The following PIK3R5 variants were observed in gnomAD, a reference collection of about 807,000 sequenced individuals.
PIK3R5 encodes the protein phosphoinositide 3-kinase regulatory subunit 5.
Under a neutral mutation model 94.9 loss-of-function variants are expected in PIK3R5, and 32 were observed. The observed-to-expected ratio is 0.34, with a 90% CI of 0.25 to 0.45. The LOEUF (loss-of-function observed/expected upper bound fraction) is 0.45. Ranked by LOEUF, PIK3R5 falls within the 20% of genes least tolerant of loss-of-function variation. The pLI, the probability that PIK3R5 is intolerant of heterozygous loss-of-function variation, is 1.00. For synonymous variants in PIK3R5, 443 were observed against 479.4 expected (o/e 0.92, Z 0.99); for missense variants, 853 against 1,144.6 (o/e 0.75, Z 3.68).
intron 1 of PIK3R5, among the ~76,000 whole-genome samples, chr17:8,912,194 A>G (rs2090541309): frequency 6.6e-6 from 1 of 152,022 alleles, no homozygotes; most frequent in Admixed American, 6.5e-5. Flanking sequence ...CTGAAGAGGG[A>G]ATTTCAGGAG....
Position 8,888,258 on chromosome 17 carries a change from T to G in PIK3R5, c.1529A>C (p.Glu510Ala). ...ACGTAGCGTGGAAGCCTTGGGATCC[T>G]CATCTCCACTCAGGAAGGGGCGGCG... Reference protein sequence around the residue: ...QRRRPFLSGDEDPKASTLRVV... With the variant: ...QRRRPFLSGDADPKASTLRVV... Residue 510 changes from glutamate to alanine, a missense_variant, in exon 10 of 19, where the codon GAG becomes GCG. Transcript: ENST00000447110. The surrounding 1 kb of genome is among the most constrained non-coding windows in gnomAD (Gnocchi z 7.8). 6.2e-7 allele frequency: 1 copy of G among 1,613,402 alleles called. No individual in the cohort carries two copies. Among genetic ancestry groups the G allele is most frequent in the Non-Finnish European group, 8.5e-7 (1 of 1,179,932 alleles).
At position 8,880,020 on chromosome 17, in the gene PIK3R5, C is replaced by G. The variant is rs548648180; in HGVS notation, c.*619G>C. On this transcript the variant is annotated 3_prime_UTR_variant, in exon 19 of 19. Coordinates refer to ENST00000447110, the MANE Select transcript of PIK3R5 (RefSeq NM_001142633.3). ...ATCTGTGCCGGGTTCTGAGAGTAGACAGGTCCAGCGTTAGTGCTGTTTTTC... is the reference window on the plus strand; with the variant it reads ...ATCTGTGCCGGGTTCTGAGAGTAGAGAGGTCCAGCGTTAGTGCTGTTTTTC... 6.6e-6 allele frequency: 1 copy of G among 152,176 alleles called. No individual in the cohort carries two copies. Among genetic ancestry groups the G allele is most frequent in the Non-Finnish European group, 1.5e-5 (1 of 68,038 alleles). 9.4% of individuals were successfully genotyped at this position (152,176 alleles called of 1,614,324 possible). A position where few individuals can be genotyped will look rare whatever the true frequency, so the allele number is the denominator to read the frequency against.
At chr17:8,910,722 G>A (rs2090506230) in intron 2 of PIK3R5, among the ~76,000 whole-genome samples, 1 of 152,196 alleles carries the variant, frequency 6.6e-6, no homozygotes, top group African/African-American at 2.4e-5. Context: ...ACTTCCCAGG[G>A]AAGAGTTCCA....
At chr17:8,964,689 G>C (rs754482805) in intron 1 of PIK3R5, among the ~76,000 whole-genome samples, 6 of 152,190 alleles carry the variant, frequency 3.9e-5, no homozygotes, top group Non-Finnish European at 8.8e-5. Flanking sequence ...TCAGCTCTGG[G>C]AGCCAGTGCC....
intron 1 of PIK3R5, among the ~76,000 whole-genome samples, chr17:8,956,722 T>C (rs1239834583): frequency 6.6e-6 from 1 of 152,188 alleles, no homozygotes; most frequent in African/African-American, 2.4e-5. Context: ...CAAAGACCTA[T>C]GAAACATTGA....
rs1017118588 is a variant in PIK3R5 at position 8,880,470 on chromosome 17, C to G, written c.*169G>C. 6.1e-5 allele frequency: 37 copies of G among 607,044 alleles called. No homozygotes were observed. Among genetic ancestry groups the G allele is most frequent in the East Asian group, 1.5e-4 (5 of 33,962 alleles). 37.6% of individuals were successfully genotyped at this position (607,044 alleles called of 1,614,324 possible). ...CTGATAGCTGTTGCTTTCCCAGAAC[C>G]CTGAGGCCCCAGAAACCCTCTACTC... On this transcript the variant is annotated 3_prime_UTR_variant, in exon 19 of 19. Transcript: ENST00000447110.
chr17:8,890,033 G>T lies in PIK3R5; in HGVS notation c.751C>A (p.Arg251=). Residue 251 remains arginine (R), a synonymous_variant, in exon 8 of 19, where the codon CGG becomes AGG. Transcript: ENST00000447110. The surrounding 1 kb of genome is among the most constrained non-coding windows in gnomAD (Gnocchi z 6.1). ...SGIGDAAEAR[R]WLRTKLQAVG... is the part of the protein sequence containing the mutation. ...GCCTGCAGCTTGGTCCTGAGCCACC[G>T]CCGGGCCTCTGCAGCATCCCCGATG... is the stretch of plus-strand genomic sequence containing the variant. 1 of 1,613,936 alleles carries T rather than the reference G, an allele frequency of 6.2e-7. No homozygotes were observed. Among genetic ancestry groups the T allele is most frequent in the South Asian group, 1.1e-5 (1 of 91,078 alleles).
chr17:8,909,127 C>T lies in PIK3R5; in HGVS notation c.151G>A (p.Asp51Asn), dbSNP rs2090466303. The stretch of plus-strand genomic sequence containing the variant: ...AGGAGGATAAGGAAGTGGCCCGGGT[C>T]CCTGCTGACCAGCTCCTGCAGGCTC... ...CWSLQELVSR[D>N]PGHFLILLEQ... The change falls in exon 3 of 19, where the codon GAC becomes AAC. Residue 51 changes from aspartate to asparagine, a missense_variant. By Grantham distance (23) the Asp-to-Asn change is conservative (BLOSUM62 1). This residue lies in a region of PIK3R5 where 108 missense variants were observed against 170.1 expected (regional missense o/e 0.63). Transcript: ENST00000447110. This position sits in a 1 kb window ranked among gnomAD's most constrained non-coding sequence, Gnocchi z 4.3. 1 of 1,608,922 alleles carries T rather than the reference C, an allele frequency of 6.2e-7. No individual in the cohort carries two copies. Among genetic ancestry groups the T allele is most frequent in the Non-Finnish European group, 8.5e-7 (1 of 1,177,446 alleles).
Position 8,888,398 on chromosome 17 carries a change from C to T in PIK3R5, c.1389G>A (p.Leu463=), listed in dbSNP as rs767011724. The T allele has an allele frequency of 6.3e-7, 1 of 1,587,688 alleles. No homozygotes were observed. Among genetic ancestry groups the T allele is most frequent in the Non-Finnish European group, 8.5e-7 (1 of 1,170,436 alleles). Residue 463 remains leucine (L), a synonymous_variant, in exon 10 of 19, where the codon CTG becomes CTA. Coordinates refer to ENST00000447110, the MANE Select transcript of PIK3R5 (RefSeq NM_001142633.3). This position sits in a 1 kb window ranked among gnomAD's most constrained non-coding sequence, Gnocchi z 7.8. ...LRRAGSLCSP[L]DEPVSPPSRA... ...GGGAAGGGGGTGATACTGGTTCGTC[C>T]AGGGGGCTGCAGAGGCTCCCTGCCC...
chr17:8,930,809 C>A (rs1454673363), intron 1 of PIK3R5, among the ~76,000 whole-genome samples: 1 of 152,168 alleles, frequency 6.6e-6, no homozygotes, highest in Non-Finnish European at 1.5e-5. Context: ...TTGCACAATA[C>A]TTTTGAAGTG....
chr17:8,895,999 G>T (rs992900274), intron 5 of PIK3R5, among the ~76,000 whole-genome samples: 3 of 152,112 alleles, frequency 2.0e-5, no homozygotes, highest in Non-Finnish European at 4.4e-5. Context: ...TGGGGTGTGG[G>T]GTTTTGGGGT....
In PIK3R5 at chr17:8,892,278, A is replaced by G. The variant is rs1347777405; in HGVS notation, c.482+1308T>C. Among the ~76,000 whole-genome samples the G allele has an allele frequency of 6.6e-6, 1 of 152,168 alleles. No homozygotes were observed. The highest frequency in any genetic ancestry group is 1.5e-5 in the Non-Finnish European group (1 of 68,022). On this transcript the variant is annotated intron_variant, in intron 6 of 18. Transcript: ENST00000447110. The surrounding 1 kb of genome is among the most constrained non-coding windows in gnomAD (Gnocchi z 4.3). The stretch of plus-strand genomic sequence containing the variant: ...GGAAGAAACTCACTTTGATTTCTCT[A>G]TCTGTAAGAAAAAGGAGGTGGGCTT...
chr17:8,938,500 A>G (rs554271555), intron 1 of PIK3R5, among the ~76,000 whole-genome samples: 1 of 152,328 alleles, frequency 6.6e-6, no homozygotes. Context: ...TCATCGCTCC[A>G]AAAAGAAACC....
At chr17:8,930,166 A>G (rs1383777811) in intron 1 of PIK3R5, among the ~76,000 whole-genome samples, 2 of 152,208 alleles carry the variant, frequency 1.3e-5, no homozygotes, top group African/African-American at 4.8e-5. Flanking sequence ...CGGAACATAA[A>G]CTAAGATAGA....
At chr17:8,894,915 A>C (rs1201215877) in intron 5 of PIK3R5, among the ~76,000 whole-genome samples, 1 of 152,108 alleles carries the variant, frequency 6.6e-6, no homozygotes, top group African/African-American at 2.4e-5. Flanking sequence ...GACAGCTATA[A>C]ATAGAAAGGC....
Position 8,881,539 on chromosome 17 carries a change from A to T in PIK3R5, c.2382+91T>A. ...TGTGTATGTGCACACATGCACACAC[A>T]TACATGTGCACACACACGTACACAC... On this transcript the variant is annotated intron_variant, in intron 17 of 18. Transcript: ENST00000447110. The surrounding 1 kb of genome is among the most constrained non-coding windows in gnomAD (Gnocchi z 4.8). The T allele has an allele frequency of 1.0e-6, 1 of 971,074 alleles. No homozygotes were observed. The highest frequency in any genetic ancestry group is 1.6e-6 in the Non-Finnish European group (1 of 616,616). 60.2% of individuals were successfully genotyped at this position (971,074 alleles called of 1,614,324 possible). A position where few individuals can be genotyped will look rare whatever the true frequency, so the allele number is the denominator to read the frequency against.
Position 8,890,922 on chromosome 17 carries a change from C to G in PIK3R5, c.483-10G>C, listed in dbSNP as rs1030546549. On this transcript the variant is annotated splice_polypyrimidine_tract_variant and intron_variant, in intron 6 of 18. Transcript: ENST00000447110. The surrounding 1 kb of genome is among the most constrained non-coding windows in gnomAD (Gnocchi z 6.1). ...CAGCAGCAGCACGGTGCTGGGGACA[C>G]AGGGGACCGGCTATGGCACCCAGGG... The G allele has an allele frequency of 1.2e-6, 2 of 1,612,352 alleles. No individual in the cohort carries two copies. Among genetic ancestry groups the G allele is most frequent in the African/African-American group, 2.7e-5 (2 of 74,932 alleles).
chr17:8,886,681 GGAAGAGA>G (rs1195075580), intron 12 of PIK3R5, 76 bp from the exon 13 acceptor site: 5 of 1,477,466 alleles, frequency 3.4e-6, no homozygotes, highest in Non-Finnish European at 4.6e-6. Flanking sequence ...GAATTAGGGA[GGAAGAGA>G]GAAGAGAGAC....
chr17:8,915,038 C>A (rs1486033328), intron 1 of PIK3R5, among the ~76,000 whole-genome samples: 2 of 152,236 alleles, frequency 1.3e-5, no homozygotes, highest in African/African-American at 4.8e-5. Flanking sequence ...GGGGTTTCAA[C>A]CACTAGAATA....
Sources: allele counts gnomAD v4.1 joint callset (sites outside exome capture counted in the v4.1 genomes callset), GRCh38; gene constraint gnomAD v4.1.1; regional missense constraint gnomAD v4.1.1; non-coding constraint Gnocchi (gnomAD v3.1); transcripts MANE v1.5; gene names NCBI Gene and HGNC (gene_info 2026-07-23, HGNC 2026-07-21).